The following UBE2R2 variants were observed in gnomAD, a reference collection of about 807,000 sequenced individuals.
UBE2R2 encodes the protein ubiquitin-conjugating enzyme E2 R2.
A neutral mutation model predicts 27.8 loss-of-function variants in UBE2R2; 1 was observed. That is an observed-to-expected ratio of 0.04 (90% CI 0.01 to 0.17). The LOEUF (loss-of-function observed/expected upper bound fraction) is 0.17. Ranked by LOEUF, UBE2R2 falls within the 10% of genes least tolerant of loss-of-function variation. The pLI is 1.00. For synonymous variants in UBE2R2, 106 were observed against 113.3 expected (o/e 0.94, Z 0.41); for missense variants, 100 against 291.0 (o/e 0.34, Z 4.78).
intron 1 of UBE2R2, among the ~76,000 whole-genome samples, chr9:33,850,176 T>C (rs1186651075): frequency 1.3e-5 from 2 of 152,066 alleles, no homozygotes; most frequent in East Asian, 1.9e-4. Context: ...AAACTAAATA[T>C]GCTATCAGAA....
At chr9:33,914,171 T>G (rs1306549189) in intron 4 of UBE2R2, among the ~76,000 whole-genome samples, 2 of 152,182 alleles carry the variant, frequency 1.3e-5, no homozygotes, top group Non-Finnish European at 2.9e-5. Flanking sequence ...TTTATTAGCA[T>G]TTGAAAACAA....
At position 33,832,573 on chromosome 9, in the gene UBE2R2, C is replaced by T. The variant is rs373588269; in HGVS notation, c.177+14639C>T. ...TTGGGAGGCTGAGGCAGGAGAATGA[C>T]GTCAACCTGGGAGGCGGAGGTTGCG... On this transcript the variant is annotated intron_variant, in intron 1 of 4. Coordinates refer to ENST00000263228, the MANE Select transcript of UBE2R2 (RefSeq NM_017811.4). 2.9e-4 allele frequency among the ~76,000 whole-genome samples: 44 copies of T among 151,276 alleles called. No individual in the cohort carries two copies. The East Asian group carries it at 6.2e-3, about 21-fold the overall frequency.
intron 1 of UBE2R2, among the ~76,000 whole-genome samples, chr9:33,859,797 TGTGAGAGAGAGA>T (rs1388624192): frequency 1.9e-3 from 146 of 78,404 alleles, no homozygotes; most frequent in African/African-American, 4.0e-3. Context: ...TGTGTGTGTG[TGTGAGAGAGAGA>T]GAGAGAGAGA....
chr9:33,876,655 C>A (rs1176175301), intron 1 of UBE2R2, among the ~76,000 whole-genome samples: 2 of 152,184 alleles, frequency 1.3e-5, no homozygotes, highest in Non-Finnish European at 2.9e-5. Flanking sequence ...GTGGCTCACG[C>A]CTGTAATCCC....
rs546374573 is a variant in UBE2R2 at position 33,897,100 on chromosome 9, G to A, written c.265-3074G>A. 4.7e-3 allele frequency among the ~76,000 whole-genome samples: 589 copies of A among 126,380 alleles called. 3 individuals are homozygous for A. Among genetic ancestry groups the A allele is most frequent in the African/African-American group, 0.014 (465 of 33,320 alleles). 82.9% of individuals were successfully genotyped at this position (126,380 alleles called of 152,430 possible). A position where few individuals can be genotyped will look rare whatever the true frequency, so the allele number is the denominator to read the frequency against. ...TGCCCAGGCTGGAGTGCAGTGGCGC[G>A]ATCTCAGCTCACTGCAAGCTCCGCC... On this transcript the variant is annotated intron_variant, in intron 2 of 4. Coordinates refer to ENST00000263228, the MANE Select transcript of UBE2R2 (RefSeq NM_017811.4).
intron 1 of UBE2R2, among the ~76,000 whole-genome samples, chr9:33,848,511 A>G (rs1485269071): frequency 6.6e-6 from 1 of 152,168 alleles, no homozygotes; most frequent in South Asian, 2.1e-4. Flanking sequence ...GCTGGGTTAC[A>G]GTTTTCAAAA....
intron 1 of UBE2R2, among the ~76,000 whole-genome samples, chr9:33,859,762 G>T (rs1390707286): frequency 1.2e-4 from 12 of 96,324 alleles, no homozygotes; most frequent in Non-Finnish European, 1.8e-4. Context: ...TAAGCCTTTT[G>T]TGTGTGTGTG....
chr9:33,838,951 G>A (rs1820673361), intron 1 of UBE2R2, among the ~76,000 whole-genome samples: 1 of 151,876 alleles, frequency 6.6e-6, no homozygotes, highest in South Asian at 2.1e-4. Context: ...GCATGGTGGA[G>A]CGCACCTGTA....
intron 1 of UBE2R2, among the ~76,000 whole-genome samples, chr9:33,860,782 A>G (rs1193374980): frequency 6.6e-6 from 1 of 151,728 alleles, no homozygotes; most frequent in African/African-American, 2.4e-5. Flanking sequence ...CTGTAGCCCT[A>G]GCTACTTGGA....
chr9:33,817,587 G>T lies in UBE2R2; in HGVS notation c.-171G>T. The T allele has an allele frequency of 1.5e-6, 1 of 674,678 alleles. No homozygotes were observed. Among genetic ancestry groups the T allele is most frequent in the Non-Finnish European group, 1.9e-6 (1 of 526,056 alleles). The allele number at this position is 674,678 out of a possible 1,614,324, so 41.8% of individuals were successfully genotyped here. A position where few individuals can be genotyped will look rare whatever the true frequency, so the allele number is the denominator to read the frequency against. On this transcript the variant is annotated 5_prime_UTR_variant, in exon 1 of 5. Coordinates refer to ENST00000263228, the MANE Select transcript of UBE2R2 (RefSeq NM_017811.4). ...CTGCGTCGTGTGTGAGGAGGACCCC[G>T]GGCGGGCCCACGGGCCGTGTGGGGC...
rs189018855 is a variant in UBE2R2 at position 33,841,948 on chromosome 9, A to G, written c.177+24014A>G. ...ACATCATCATATCTGTATTATATCT[A>G]TCTTGTCAGATTATTCATTACATGC... On this transcript the variant is annotated intron_variant, in intron 1 of 4. Coordinates refer to ENST00000263228, the MANE Select transcript of UBE2R2 (RefSeq NM_017811.4). 8.7e-4 allele frequency among the ~76,000 whole-genome samples: 132 copies of G among 152,250 alleles called. 1 individual carries two copies. In the South Asian group the frequency reaches 0.021, roughly 25 times the overall value.
intron 1 of UBE2R2, among the ~76,000 whole-genome samples, chr9:33,877,844 T>TCTCTCCCA (rs1563997793): frequency 1.3e-5 from 2 of 151,522 alleles, no homozygotes; most frequent in African/African-American, 4.9e-5. Flanking sequence ...TCTCTCTCTC[T>TCTCTCCCA]CTCTCCCACT....
chr9:33,888,561 A>C (rs1038616365), intron 2 of UBE2R2, among the ~76,000 whole-genome samples: 1 of 152,200 alleles, frequency 6.6e-6, no homozygotes, highest in African/African-American at 2.4e-5. Context: ...TCTGTCACCC[A>C]GGCTGGAGTG....
At chr9:33,878,792 CAAG>C (rs561720485) in intron 1 of UBE2R2, among the ~76,000 whole-genome samples, 9 of 152,092 alleles carry the variant, frequency 5.9e-5, no homozygotes, top group Non-Finnish European at 1.0e-4. Context: ...CTGAAAATGC[CAAG>C]GTTGCAGTGA....
chr9:33,876,594 G>A (rs779584943), intron 1 of UBE2R2, among the ~76,000 whole-genome samples: 1 of 152,178 alleles, frequency 6.6e-6, no homozygotes, highest in African/African-American at 2.4e-5. Flanking sequence ...GGTAATGTAA[G>A]CATACTTTAG....
At chr9:33,902,248 C>T (rs1423203739) in intron 3 of UBE2R2, among the ~76,000 whole-genome samples, 1 of 152,068 alleles carries the variant, frequency 6.6e-6, no homozygotes, top group Admixed American at 6.6e-5. Flanking sequence ...TGGGGTCTCA[C>T]CATGTTGCCC....
chr9:33,852,025 A>T (rs1199454851), intron 1 of UBE2R2, among the ~76,000 whole-genome samples: 1 of 152,120 alleles, frequency 6.6e-6, no homozygotes, highest in Non-Finnish European at 1.5e-5. Context: ...CAACATATTT[A>T]ATTAGGCCGG....
chr9:33,919,616 C>T lies in UBE2R2; in HGVS notation c.*2379C>T, dbSNP rs1221832599. On this transcript the variant is annotated 3_prime_UTR_variant, in exon 5 of 5. Coordinates refer to ENST00000263228, the MANE Select transcript of UBE2R2 (RefSeq NM_017811.4). The stretch of plus-strand genomic sequence containing the variant: ...TCCAGAAGACTGGGTAAGTCTCTTG[C>T]TAGCAGGTGGACATTCTGGTATTTT... 1 of 152,142 alleles carries T rather than the reference C, an allele frequency of 6.6e-6. No individual in the cohort carries two copies. The highest frequency in any genetic ancestry group is 1.5e-5 in the Non-Finnish European group (1 of 68,024). 9.4% of individuals were successfully genotyped at this position (152,142 alleles called of 1,614,324 possible). A position where few individuals can be genotyped will look rare whatever the true frequency, so the allele number is the denominator to read the frequency against.
chr9:33,913,578 T>C (rs1311510704), intron 4 of UBE2R2, among the ~76,000 whole-genome samples: 2 of 152,158 alleles, frequency 1.3e-5, no homozygotes, highest in Non-Finnish European at 2.9e-5. Context: ...CCCCTTGATA[T>C]TACATTTTTA....
Sources: allele counts gnomAD v4.1 joint callset (sites outside exome capture counted in the v4.1 genomes callset), GRCh38; gene constraint gnomAD v4.1.1; transcripts MANE v1.5; gene names NCBI Gene and HGNC (gene_info 2026-07-23, HGNC 2026-07-21).